Variants in PSMD14 observed in about 807,000 individuals in gnomAD.
PSMD14 encodes the protein proteasome 26S subunit, non-ATPase 14.
Under a neutral mutation model 41.2 loss-of-function variants are expected in PSMD14, and 7 were observed. The observed-to-expected ratio is 0.17, with a 90% confidence interval of 0.10 to 0.32. The LOEUF is 0.32. Ranked by LOEUF, PSMD14 falls within the 10% of genes least tolerant of loss-of-function variation. The pLI, the probability that PSMD14 is intolerant of heterozygous loss-of-function variation, is 1.00. For missense variants in PSMD14, 139 were observed against 375.6 expected (o/e 0.37, Z 5.21); for synonymous variants, 114 against 122.3 (o/e 0.93, Z 0.45).
chr2:161,374,288 G>T (rs567167514), intron 7 of PSMD14, among the ~76,000 whole-genome samples: 1 of 152,050 alleles, frequency 6.6e-6, no homozygotes, highest in South Asian at 2.1e-4. Context: ...ATAGTTTTCT[G>T]TAGGTATTAT....
At chr2:161,379,021 A>G (rs1169013888) in intron 7 of PSMD14, among the ~76,000 whole-genome samples, 2 of 152,050 alleles carry the variant, frequency 1.3e-5, no homozygotes, top group Non-Finnish European at 2.9e-5. Context: ...GTTACAGCAC[A>G]AGCAATGTAT....
chr2:161,383,359 A>T (rs1683592987), intron 7 of PSMD14: 1 of 152,058 alleles, frequency 6.6e-6, no homozygotes, highest in African/African-American at 2.4e-5. Flanking sequence ...CATTTTCTAT[A>T]GGCCATCATT....
intron 1 of PSMD14, among the ~76,000 whole-genome samples, chr2:161,311,625 C>CTTTT (rs34635738): frequency 2.9e-4 from 17 of 58,558 alleles, no homozygotes; most frequent in East Asian, 5.0e-4. Context: ...CTCACTCTTC[C>CTTTT]TTTTTTTTTT....
intron 10 of PSMD14, among the ~76,000 whole-genome samples, chr2:161,404,492 C>A (rs1574144148): frequency 6.6e-6 from 1 of 152,232 alleles, no homozygotes; most frequent in South Asian, 2.1e-4. Context: ...TCCTAATCTT[C>A]AACTGTTCTC....
At chr2:161,309,975 A>G (rs978410800) in intron 1 of PSMD14, among the ~76,000 whole-genome samples, 6 of 152,124 alleles carry the variant, frequency 3.9e-5, no homozygotes, top group Non-Finnish European at 8.8e-5. Context: ...CCTGGCTAAC[A>G]TAGTGAAAAC....
intron 11 of PSMD14, among the ~76,000 whole-genome samples, chr2:161,410,969 C>T (rs1684014977): frequency 6.6e-6 from 1 of 152,080 alleles, no homozygotes; most frequent in South Asian, 2.1e-4. Context: ...TATATTCAGA[C>T]AGGTATACAT....
intron 3 of PSMD14, among the ~76,000 whole-genome samples, chr2:161,338,259 AC>A (rs1420057589): frequency 6.6e-6 from 1 of 152,120 alleles, no homozygotes; most frequent in Admixed American, 6.5e-5. Flanking sequence ...AAGTTCTGAA[AC>A]TGCGTTTGTG....
chr2:161,340,256 T>C (rs925466561), intron 3 of PSMD14, among the ~76,000 whole-genome samples: 2 of 152,032 alleles, frequency 1.3e-5, no homozygotes, highest in African/African-American at 4.8e-5. Context: ...TGCCCTGTAA[T>C]CAATATGGCA....
chr2:161,362,411 C>A (rs1683301819), intron 3 of PSMD14, among the ~76,000 whole-genome samples: 1 of 152,068 alleles, frequency 6.6e-6, no homozygotes, highest in South Asian at 2.1e-4. Flanking sequence ...ATATCTATAT[C>A]TTTTTAACTG....
chr2:161,321,266 A>G (rs1255845929), intron 3 of PSMD14, among the ~76,000 whole-genome samples: 1 of 152,212 alleles, frequency 6.6e-6, no homozygotes, highest in East Asian at 1.9e-4. Flanking sequence ...GGCAGTAGAC[A>G]GGAGCAGAAC....
intron 3 of PSMD14, among the ~76,000 whole-genome samples, chr2:161,329,625 G>A (rs1682755886): frequency 6.6e-6 from 1 of 151,926 alleles, no homozygotes; most frequent in Admixed American, 6.6e-5. Context: ...AATTTTAATT[G>A]TTTTATTTCT....
At chr2:161,317,384 A>G (rs1689158657) in intron 2 of PSMD14, among the ~76,000 whole-genome samples, 2 of 152,204 alleles carry the variant, frequency 1.3e-5, no homozygotes, top group African/African-American at 2.4e-5. Context: ...TACGAAAAAT[A>G]TATGATTCCG....
At chr2:161,352,432 A>G (rs1017709140) in intron 3 of PSMD14, among the ~76,000 whole-genome samples, 3 of 152,200 alleles carry the variant, frequency 2.0e-5, no homozygotes, top group Admixed American at 6.5e-5. Context: ...TGCTTTTATT[A>G]TATTACCAAG....
rs1311005154 is a variant in PSMD14, at chr2:161,336,945, C to A, written c.48+18072C>A. On this transcript the variant is annotated intron_variant, in intron 3 of 11. Transcript: ENST00000409682. ...GCTCATTTTAAGTTTTCCTTGACTT[C>A]ATTTTTTATAAACATTAAGGAAGTT... 2.0e-5 allele frequency among the ~76,000 whole-genome samples: 3 copies of A among 152,142 alleles called. No individual in the cohort carries two copies. The East Asian group carries it at 5.8e-4, about 29-fold the overall frequency.
In PSMD14 at chr2:161,334,713, T is replaced by C. The variant is rs149913793; in HGVS notation, c.48+15840T>C. ...ACCACTGCCACTTTTTCATGCTCTT[T>C]AAGTATTTTTCTTCTGATGTGTTTT... On this transcript the variant is annotated intron_variant, in intron 3 of 11. Transcript: ENST00000409682. 2.7e-3 allele frequency among the ~76,000 whole-genome samples: 415 copies of C among 152,376 alleles called. 6 individuals are homozygous for C. Among genetic ancestry groups the C allele is most frequent in the African/African-American group, 9.5e-3 (395 of 41,588 alleles).
chr2:161,313,647 G>A (rs980535038), intron 1 of PSMD14, among the ~76,000 whole-genome samples: 9 of 152,194 alleles, frequency 5.9e-5, no homozygotes, highest in African/African-American at 2.2e-4. Flanking sequence ...ACCACGCCCA[G>A]CCTAAATACA....
intron 7 of PSMD14, among the ~76,000 whole-genome samples, chr2:161,378,595 AC>A (rs1683533887): frequency 6.6e-6 from 1 of 151,986 alleles, no homozygotes; most frequent in African/African-American, 2.4e-5. Flanking sequence ...CGAATGAGAC[AC>A]AAACCTTGCT....
intron 7 of PSMD14, among the ~76,000 whole-genome samples, chr2:161,376,431 G>A (rs1048341095): frequency 6.6e-6 from 1 of 151,444 alleles, no homozygotes; most frequent in Non-Finnish European, 1.5e-5. Flanking sequence ...TCAAGAACTA[G>A]AATATTAAAA....
intron 5 of PSMD14, among the ~76,000 whole-genome samples, chr2:161,369,362 T>G (rs1006286323): frequency 6.6e-6 from 1 of 152,038 alleles, no homozygotes; most frequent in Non-Finnish European, 1.5e-5. Context: ...TCTTCTTTTT[T>G]AAGACAGTCC....
Sources: gnomAD v4.1 joint callset for allele counts (sites outside exome capture counted in the v4.1 genomes callset) on GRCh38, gnomAD v4.1.1 for gene constraint, MANE v1.5 for transcripts, NCBI Gene and HGNC (gene_info 2026-07-23, HGNC 2026-07-21) for gene names.